Variants in GREB1L observed in about 807,000 individuals in gnomAD.
GREB1L encodes GREB1-like protein.
In GREB1L, 17 loss-of-function variants were observed where a neutral mutation model predicts 200.8. The ratio of observed to expected loss-of-function variants is 0.08; its 90% CI spans 0.06 to 0.13. The LOEUF (loss-of-function observed/expected upper bound fraction) is 0.13. Ranked by LOEUF, GREB1L falls within the 10% of genes least tolerant of loss-of-function variation. GREB1L has a pLI of 1.00. For missense variants in GREB1L, 1,657 were observed against 2,367.7 expected, an observed-to-expected ratio of 0.70 and a Z score of 6.23; for synonymous variants, 789 against 893.0, an observed-to-expected ratio of 0.88 and a Z score of 2.08.
intron 1 of GREB1L, among the ~76,000 whole-genome samples, chr18:21,297,169 C>T (rs2038543345): frequency 6.6e-6 from 1 of 152,052 alleles, no homozygotes; most frequent in Non-Finnish European, 1.5e-5. Context: ...TTCACAAGAT[C>T]CCAGGTAACC....
At chr18:21,424,537 C>G (rs980335997) in intron 7 of GREB1L, among the ~76,000 whole-genome samples, 18 of 152,074 alleles carry the variant, frequency 1.2e-4, no homozygotes. Flanking sequence ...CCACTGCACT[C>G]CAGCCTGGGT....
intron 7 of GREB1L, among the ~76,000 whole-genome samples, chr18:21,421,820 C>G (rs2032176451): frequency 6.6e-6 from 1 of 152,128 alleles, no homozygotes; most frequent in African/African-American, 2.4e-5. Context: ...AATTGGCTCC[C>G]TATGTTTTGG....
intron 1 of GREB1L, among the ~76,000 whole-genome samples, chr18:21,281,251 G>T (rs1219990769): frequency 6.6e-6 from 1 of 152,170 alleles, no homozygotes; most frequent in Admixed American, 6.5e-5. Flanking sequence ...GTGGTTTATT[G>T]TGTAAAACTA....
chr18:21,413,074 AC>A (rs2031247299), intron 7 of GREB1L, among the ~76,000 whole-genome samples: 1 of 151,990 alleles, frequency 6.6e-6, no homozygotes, highest in Non-Finnish European at 1.5e-5. Flanking sequence ...TCTAAATGGA[AC>A]TCTGTAAATG....
intron 1 of GREB1L, among the ~76,000 whole-genome samples, chr18:21,326,099 A>G (rs1330126697): frequency 1.3e-5 from 2 of 152,172 alleles, no homozygotes; most frequent in Non-Finnish European, 1.5e-5. Context: ...AAATGATGGT[A>G]CTTTCATACT....
intron 1 of GREB1L, among the ~76,000 whole-genome samples, chr18:21,358,948 TG>T (rs1459882074): frequency 6.6e-6 from 1 of 152,240 alleles, no homozygotes; most frequent in Non-Finnish European, 1.5e-5. Flanking sequence ...TTCTAACAAT[TG>T]TTTGGTGGAA....
Position 21,439,646 on chromosome 18 carries a change from C to T in GREB1L, c.949+9C>T. The T allele has an allele frequency of 6.7e-7, 1 of 1,482,434 alleles. No homozygotes were observed. Among genetic ancestry groups the T allele is most frequent in the Non-Finnish European group, 9.2e-7 (1 of 1,083,078 alleles). The allele number at this position is 1,482,434 out of a possible 1,614,324, so 91.8% of individuals were successfully genotyped here. A position where few individuals can be genotyped will look rare whatever the true frequency, so the allele number is the denominator to read the frequency against. ...TGCATCAGGAGATCAAGGTACAATG[C>T]CTGTCGTAGAGTTTTGTAATAATGC... On this transcript the variant is annotated intron_variant, in intron 8 of 32. Coordinates refer to ENST00000424526, the MANE Select transcript of GREB1L (RefSeq NM_001142966.3).
chr18:21,327,217 A>T (rs1335644100), intron 1 of GREB1L, among the ~76,000 whole-genome samples: 2 of 152,222 alleles, frequency 1.3e-5, no homozygotes, highest in South Asian at 2.1e-4. Context: ...AAAGGCCCTC[A>T]GGCATGTCAT....
At chr18:21,295,778 T>C (rs2038517492) in intron 1 of GREB1L, among the ~76,000 whole-genome samples, 1 of 152,214 alleles carries the variant, frequency 6.6e-6, no homozygotes, top group Non-Finnish European at 1.5e-5. Context: ...GGTCAGGCTA[T>C]ATGTGGAACA....
chr18:21,328,114 C>T (rs977396817), intron 1 of GREB1L, among the ~76,000 whole-genome samples: 3 of 152,174 alleles, frequency 2.0e-5, no homozygotes, highest in African/African-American at 7.2e-5. Context: ...AGAATGTCTT[C>T]AGCTTCAACC....
At chr18:21,441,307 C>T (rs1432710121) in intron 9 of GREB1L, 93 bp from the exon 10 acceptor site, 19 of 1,034,430 alleles carry the variant, frequency 1.8e-5, no homozygotes, top group Non-Finnish European at 2.4e-5. Flanking sequence ...ATTTCTAATG[C>T]TTCTCTGTTA....
intron 4 of GREB1L, among the ~76,000 whole-genome samples, chr18:21,388,702 G>A (rs1234761161): frequency 2.6e-5 from 4 of 151,414 alleles, no homozygotes; most frequent in Admixed American, 6.6e-5. Flanking sequence ...CCATCACCAC[G>A]CCCCGCTAAT....
intron 1 of GREB1L, among the ~76,000 whole-genome samples, chr18:21,250,308 C>T (rs987831113): frequency 2.0e-5 from 3 of 152,188 alleles, no homozygotes; most frequent in Admixed American, 6.5e-5. Context: ...ATTCACTGTT[C>T]TTTAGCGTGA....
At chr18:21,261,277 C>T (rs1159774768) in intron 1 of GREB1L, among the ~76,000 whole-genome samples, 1 of 151,976 alleles carries the variant, frequency 6.6e-6, no homozygotes, top group Non-Finnish European at 1.5e-5. Flanking sequence ...TATAAATAAA[C>T]TTCCAGGAGC....
At chr18:21,327,722 A>T (rs1598661663) in intron 1 of GREB1L, among the ~76,000 whole-genome samples, 1 of 136,776 alleles carries the variant, frequency 7.3e-6, no homozygotes, top group African/African-American at 2.8e-5. Context: ...TGGGGTGGGG[A>T]GGTGGGGGGC....
chr18:21,242,730 G>A (rs1216562212), intron 1 of GREB1L, among the ~76,000 whole-genome samples: 1 of 152,184 alleles, frequency 6.6e-6, no homozygotes, highest in East Asian at 1.9e-4. Context: ...CTTTGTGGCG[G>A]GAGCGAGACG....
intron 1 of GREB1L, among the ~76,000 whole-genome samples, chr18:21,320,229 A>C (rs2144903750): frequency 6.6e-6 from 1 of 152,316 alleles, no homozygotes; most frequent in East Asian, 1.9e-4. Flanking sequence ...AAAGGGAGAA[A>C]ATTGGTAAAT....
In GREB1L at chr18:21,526,016, G is replaced by T. The variant is rs918533862; in HGVS notation, c.*3195G>T. 2.0e-5 allele frequency among the ~76,000 whole-genome samples: 3 copies of T among 152,026 alleles called. No homozygotes were observed. Among genetic ancestry groups the T allele is most frequent in the Non-Finnish European group, 4.4e-5 (3 of 67,992 alleles). ...CATTCCAAAGCAGCTGCCTTGAAAAGACTATTAATTAACTGTGAAACTGAC... is the reference window on the plus strand; with the variant it reads ...CATTCCAAAGCAGCTGCCTTGAAAATACTATTAATTAACTGTGAAACTGAC... On this transcript the variant is annotated 3_prime_UTR_variant, in exon 33 of 33. Coordinates refer to ENST00000424526, the MANE Select transcript of GREB1L (RefSeq NM_001142966.3).
intron 19 of GREB1L, among the ~76,000 whole-genome samples, chr18:21,492,738 G>A (rs946480174): frequency 1.3e-5 from 2 of 152,168 alleles, no homozygotes; most frequent in African/African-American, 4.8e-5. Flanking sequence ...TCAAGGCAGT[G>A]ACATCTTCCT....
Sources: allele counts gnomAD v4.1 joint callset (sites outside exome capture counted in the v4.1 genomes callset), GRCh38; gene constraint gnomAD v4.1.1; transcripts MANE v1.5; gene names NCBI Gene and HGNC (gene_info 2026-07-23, HGNC 2026-07-21).